MTA1: variants seen among roughly 807,000 people sequenced by gnomAD.
The protein encoded by MTA1 is metastasis associated 1, also known as metastasis-associated protein MTA1.
In MTA1, 15 loss-of-function variants were observed where a neutral mutation model predicts 97.0. The observed-to-expected ratio is 0.15, with a 90% CI of 0.10 to 0.24. The LOEUF (loss-of-function observed/expected upper bound fraction) is 0.24. Among genes scored for constraint, MTA1 ranks in the 10% least tolerant of loss-of-function variants. The probability of loss-of-function intolerance (pLI) is 1.00; values close to 1 mark genes in which losing one functional copy is unlikely to be tolerated. For missense variants in MTA1, 709 were observed against 1,015.1 expected, an observed-to-expected ratio of 0.70 and a Z score of 4.10; for synonymous variants, 435 against 417.5, an observed-to-expected ratio of 1.04 and a Z score of -0.51.
intron 1 of MTA1, among the ~76,000 whole-genome samples, chr14:105,426,323 G>A (rs782287501): frequency 1.4e-5 from 2 of 140,428 alleles, no homozygotes; most frequent in South Asian, 2.2e-4. Context: ...GCAGTGAGCC[G>A]AGATCACGCC....
chr14:105,467,071 G>A lies in MTA1; in HGVS notation c.1813+329G>A, dbSNP rs587642017. 92 of 483,190 alleles carry A rather than the reference G, an allele frequency of 1.9e-4. No individual in the cohort carries two copies. In the East Asian group the frequency reaches 3.4e-3, roughly 18 times the overall value. The allele number at this position is 483,190 out of a possible 1,614,324, so 29.9% of individuals were successfully genotyped here. Reference sequence around the variant, plus strand: ...GCTGCCAGCCTCAGCTCGTGGGGCCGCCCGTGCTGTGCCTGCAATCCTTCC... The same window carrying A: ...GCTGCCAGCCTCAGCTCGTGGGGCCACCCGTGCTGTGCCTGCAATCCTTCC... On this transcript the variant is annotated intron_variant, in intron 18 of 20. Coordinates refer to ENST00000331320, the MANE Select transcript of MTA1 (RefSeq NM_004689.4).
chr14:105,439,043 C>T (rs894896857), intron 2 of MTA1, among the ~76,000 whole-genome samples: 2 of 152,124 alleles, frequency 1.3e-5, no homozygotes, highest in South Asian at 2.1e-4. Context: ...CTGGGGAGCC[C>T]GAGCGGAATG....
rs781892745 is a variant in MTA1, at chr14:105,464,023, C to T, written c.1077-9C>T. 49 of 1,612,150 alleles carry T rather than the reference C, an allele frequency of 3.0e-5. No homozygotes were observed. The highest frequency in any genetic ancestry group is 5.0e-5 in the Admixed American group (3 of 59,960). ...GCAACTCCTCTCGTCTCTCCTTTCCCTCTTTAAGTAACAAGCCAAATCCGA... is the reference window on the plus strand; with the variant it reads ...GCAACTCCTCTCGTCTCTCCTTTCCTTCTTTAAGTAACAAGCCAAATCCGA... On this transcript the variant is annotated splice_polypyrimidine_tract_variant and intron_variant, in intron 12 of 20. Transcript: ENST00000331320.
intron 3 of MTA1, 121 bp downstream of exon 3, chr14:105,445,632 A>C (rs782247844): frequency 4.0e-6 from 4 of 999,058 alleles, no homozygotes; most frequent in Admixed American, 2.0e-5. Flanking sequence ...CCTCTGCCCA[A>C]CTCACTCTGG....
intron 1 of MTA1, among the ~76,000 whole-genome samples, chr14:105,426,179 G>C (rs2141406456): frequency 6.6e-6 from 1 of 152,234 alleles, no homozygotes; most frequent in African/African-American, 2.4e-5. Flanking sequence ...GGGGCATGGA[G>C]GGGACCACGC....
At chr14:105,426,167 CT>C (rs1595258644) in intron 1 of MTA1, among the ~76,000 whole-genome samples, 2 of 152,234 alleles carry the variant, frequency 1.3e-5, no homozygotes, top group East Asian at 3.9e-4. Context: ...TGGGGGACCC[CT>C]GGGGCATGGA....
In MTA1 at chr14:105,460,803, C is replaced by T. The variant is rs143667520; in HGVS notation, c.792C>T (p.Asp264=). 1.2e-6 allele frequency: 2 copies of T among 1,607,114 alleles called. No individual in the cohort carries two copies. The highest frequency in any genetic ancestry group is 2.7e-5 in the African/African-American group (2 of 74,676). The change falls in exon 10 of 21, where the codon GAC becomes GAT. Residue 264 remains aspartate, a synonymous_variant. Coordinates refer to ENST00000331320, the MANE Select transcript of MTA1 (RefSeq NM_004689.4). ...ATACTCTCCACAAGAACATCTACGACATCTCCAAGGCCATCTCGGCGCTGG... is the reference window on the plus strand; with the variant it reads ...ATACTCTCCACAAGAACATCTACGATATCTCCAAGGCCATCTCGGCGCTGG... ...AMDTLHKNIY[D]ISKAISALVP... is the part of the protein sequence containing the mutation.
At chr14:105,464,956 T>C in intron 15 of MTA1, 93 bp downstream of exon 15, 1 of 1,452,848 alleles carries the variant, frequency 6.9e-7, no homozygotes, top group East Asian at 2.4e-5. Context: ...CCACTGGGAG[T>C]TCTGATCTCA....
intron 2 of MTA1, among the ~76,000 whole-genome samples, chr14:105,444,155 C>T (rs1333110906): frequency 1.3e-5 from 2 of 151,692 alleles, no homozygotes; most frequent in South Asian, 2.1e-4. Flanking sequence ...GGGCGGATCA[C>T]GAGGTCAGGA....
At chr14:105,461,335 T>G (rs782541097) in intron 10 of MTA1, among the ~76,000 whole-genome samples, 2 of 152,228 alleles carry the variant, frequency 1.3e-5, no homozygotes, top group Non-Finnish European at 2.9e-5. Context: ...CTGAACCTCT[T>G]GACTCCTCAT....
At position 105,470,468 on chromosome 14, in the gene MTA1, G is replaced by C. The variant is rs1595441377; in HGVS notation, c.*253G>C. Reference sequence around the variant, plus strand: ...TGGAGCGGAGATGAGGGGCCACCCCGTGCCCCTGTGCTGCGGGGCCTTTTG... The same window carrying C: ...TGGAGCGGAGATGAGGGGCCACCCCCTGCCCCTGTGCTGCGGGGCCTTTTG... On this transcript the variant is annotated 3_prime_UTR_variant, in exon 21 of 21. Transcript: ENST00000331320. 5 of 427,984 alleles carry C rather than the reference G, an allele frequency of 1.2e-5. No individual in the cohort carries two copies. The East Asian group carries it at 2.2e-4, about 19-fold the overall frequency. The allele number at this position is 427,984 out of a possible 1,614,324, so 26.5% of individuals were successfully genotyped here.
intron 1 of MTA1, among the ~76,000 whole-genome samples, chr14:105,421,675 C>T (rs891971448): frequency 2.0e-5 from 3 of 152,248 alleles, no homozygotes; most frequent in Non-Finnish European, 4.4e-5. Flanking sequence ...CCTCGGTTTC[C>T]CCATGGTGTG....
chr14:105,419,898 G>GCGGCCT lies in MTA1; in HGVS notation c.-134_-133insCTCGGC, dbSNP rs1322268528. ...CTCGGCGGCCTCGGCGGCGGCGGCG[G>GCGGCCT]CGGCGGCGGCGGCAGCAGCGCGGCC... On this transcript the variant is annotated 5_prime_UTR_variant, in exon 1 of 21. Coordinates refer to ENST00000331320, the MANE Select transcript of MTA1 (RefSeq NM_004689.4). 8.8e-6 allele frequency: 2 copies of GCGGCCT among 226,656 alleles called. No individual in the cohort carries two copies. Among genetic ancestry groups the GCGGCCT allele is most frequent in the African/African-American group, 4.8e-5 (2 of 42,046 alleles). The allele number at this position is 226,656 out of a possible 1,614,324, so 14.0% of individuals were successfully genotyped here.
chr14:105,429,474 CAG>C (rs1342002985), intron 1 of MTA1, among the ~76,000 whole-genome samples: 2 of 130,644 alleles, frequency 1.5e-5, no homozygotes, highest in Admixed American at 8.0e-5. Context: ...TTTTTTGAGA[CAG>C]AGTCTCCCTC....
intron 17 of MTA1, 24 bp from the exon 18 acceptor site, chr14:105,466,683 T>C (rs2083603936): frequency 6.2e-7 from 1 of 1,604,854 alleles, no homozygotes; most frequent in Non-Finnish European, 8.5e-7. Context: ...CTTCTCTCCC[T>C]CTCTCCCACC....
At chr14:105,446,925 G>A (rs1555427329) in intron 3 of MTA1, among the ~76,000 whole-genome samples, 1 of 152,208 alleles carries the variant, frequency 6.6e-6, no homozygotes, top group African/African-American at 2.4e-5. Flanking sequence ...CGTTCAAGGT[G>A]GGGCATGGTG....
chr14:105,456,673 G>A (rs932727577), intron 7 of MTA1, among the ~76,000 whole-genome samples: 14 of 152,208 alleles, frequency 9.2e-5, no homozygotes, highest in Non-Finnish European at 1.9e-4. Flanking sequence ...AAGGGAGTGC[G>A]ACCATCATGA....
chr14:105,423,322 C>T (rs920244810), intron 1 of MTA1, among the ~76,000 whole-genome samples: 1 of 149,922 alleles, frequency 6.7e-6, no homozygotes, highest in Non-Finnish European at 1.5e-5. Context: ...CCGGCCCAAG[C>T]GATTTCCTGC....
At chr14:105,465,685 C>CA (rs1346169744) in intron 16 of MTA1, 1 of 152,808 alleles carries the variant, frequency 6.5e-6, no homozygotes, top group Non-Finnish European at 1.5e-5. Flanking sequence ...CCTCAGGCGG[C>CA]AGGGGGTTCC....
Sources: allele counts gnomAD v4.1 joint callset (sites outside exome capture counted in the v4.1 genomes callset), GRCh38; gene constraint gnomAD v4.1.1; transcripts MANE v1.5; gene names NCBI Gene and HGNC (gene_info 2026-07-23, HGNC 2026-07-21).